Variants in MAPK10 observed in about 807,000 individuals in gnomAD.
The protein encoded by MAPK10 is mitogen-activated protein kinase 10.
A neutral mutation model predicts 59.3 loss-of-function variants in MAPK10; 25 were observed. The ratio of observed to expected loss-of-function variants is 0.42; its 90% CI spans 0.31 to 0.59. The LOEUF is 0.59. MAPK10 is among the 20% of genes least tolerant of loss of function. The probability of loss-of-function intolerance (pLI) is 0.15; values close to 1 mark genes in which losing one functional copy is unlikely to be tolerated. For missense variants in MAPK10, 351 were observed against 568.9 expected (o/e 0.62, Z 3.90); for synonymous variants, 190 against 200.5 (o/e 0.95, Z 0.44).
intron 2 of MAPK10, among the ~76,000 whole-genome samples, chr4:86,280,394 A>G (rs1299213029): frequency 6.6e-6 from 1 of 152,190 alleles, no homozygotes. Flanking sequence ...AATCAAAACC[A>G]CAATAAGATA....
In MAPK10 at chr4:86,359,888, T is replaced by C; in HGVS notation, c.-352A>G. On this transcript the variant is annotated 5_prime_UTR_variant, in exon 1 of 14. Coordinates refer to ENST00000641462, the MANE Select transcript of MAPK10 (RefSeq NM_138982.4). The stretch of plus-strand genomic sequence containing the variant: ...GGACAAAAAAGGAAATTTGTAAAAA[T>C]GAAAAAAGAAAAGAAAAAGGTAAGC... 1 of 984,494 alleles carries C rather than the reference T, an allele frequency of 1.0e-6. No homozygotes were observed. The highest frequency in any genetic ancestry group is 1.1e-4 in the East Asian group (1 of 8,786). The allele number at this position is 984,494 out of a possible 1,614,324, so 61.0% of individuals were successfully genotyped here. A position where few individuals can be genotyped will look rare whatever the true frequency, so the allele number is the denominator to read the frequency against.
chr4:86,188,929 ATAAGGTG>A (rs2078975162), intron 3 of MAPK10, among the ~76,000 whole-genome samples: 1 of 152,174 alleles, frequency 6.6e-6, no homozygotes, highest in South Asian at 2.1e-4. Context: ...TAATCTTTGT[ATAAGGTG>A]TAAGGAAAGG....
At chr4:86,066,287 A>C (rs530195922) in intron 10 of MAPK10, among the ~76,000 whole-genome samples, 52 of 152,334 alleles carry the variant, frequency 3.4e-4, no homozygotes, top group African/African-American at 1.1e-3. Context: ...AGAAATACTT[A>C]TACATTAATT....
intron 4 of MAPK10, 90 bp from the exon 5 acceptor site, chr4:86,107,442 G>A (rs544739425): frequency 1.3e-6 from 2 of 1,501,002 alleles, no homozygotes; most frequent in East Asian, 4.8e-5. Flanking sequence ...TAAAGAAAAT[G>A]CTATTTCGGA....
intron 2 of MAPK10, chr4:86,268,325 C>G (rs2094323784): frequency 6.6e-6 from 1 of 152,234 alleles, no homozygotes; most frequent in Non-Finnish European, 1.5e-5. Flanking sequence ...CATCTTGATT[C>G]CAACCTTTAT....
chr4:86,353,567 A>G (rs753296849), intron 2 of MAPK10, among the ~76,000 whole-genome samples: 2 of 152,178 alleles, frequency 1.3e-5, no homozygotes, highest in Non-Finnish European at 2.9e-5. Flanking sequence ...ATGCTATTAG[A>G]TCTGCTTTCT....
chr4:86,341,247 G>A (rs908014150), intron 2 of MAPK10, among the ~76,000 whole-genome samples: 4 of 152,158 alleles, frequency 2.6e-5, no homozygotes, highest in African/African-American at 9.7e-5. Flanking sequence ...TTAGAAAGAC[G>A]AGCTTTGGTT....
chr4:86,282,283 G>A (rs2094837264), intron 2 of MAPK10, among the ~76,000 whole-genome samples: 2 of 152,090 alleles, frequency 1.3e-5, no homozygotes, highest in African/African-American at 4.8e-5. Flanking sequence ...AATGTGTAAT[G>A]GACAATGTTT....
chr4:86,559,204 T>G (rs1760488959), intron 1 of MAPK10, among the ~76,000 whole-genome samples: 1 of 152,120 alleles, frequency 6.6e-6, no homozygotes, highest in African/African-American at 2.4e-5. Context: ...ATGTTTAGGT[T>G]TAACCAAATC....
intron 2 of MAPK10, among the ~76,000 whole-genome samples, chr4:86,229,919 G>T (rs923564027): frequency 6.6e-6 from 1 of 152,036 alleles, no homozygotes; most frequent in East Asian, 1.9e-4. Context: ...AAATTAGCTA[G>T]GTACATTGGA....
At chr4:86,584,061 G>A (rs1762497303) in intron 1 of MAPK10, among the ~76,000 whole-genome samples, 1 of 152,128 alleles carries the variant, frequency 6.6e-6, no homozygotes, top group African/African-American at 2.4e-5. Context: ...GTGCATGCAT[G>A]GGTGTATGTA....
At chr4:86,025,401 GTTCTAAAC>G (rs1749670369) in intron 13 of MAPK10, 1 of 396,590 alleles carries the variant, frequency 2.5e-6, no homozygotes. Flanking sequence ...ATAAACAGGA[GTTCTAAAC>G]CATAAACCCA....
chr4:86,229,080 C>T (rs77107534), intron 2 of MAPK10, among the ~76,000 whole-genome samples: 12,745 of 152,118 alleles, frequency 0.084, 1,180 homozygotes, highest in African/African-American at 0.23. Context: ...GTTTTCAAGG[C>T]AACTAAAGGT....
intron 1 of MAPK10, among the ~76,000 whole-genome samples, chr4:86,543,120 T>G (rs1231506941): frequency 1.3e-5 from 2 of 152,172 alleles, no homozygotes; most frequent in African/African-American, 2.4e-5. Context: ...GTTAAAGGGA[T>G]GTGGTGCAAT....
intron 4 of MAPK10, among the ~76,000 whole-genome samples, chr4:86,122,957 G>C (rs917136146): frequency 6.6e-6 from 1 of 152,024 alleles, no homozygotes; most frequent in Admixed American, 6.6e-5. Context: ...ATGTGGTTCT[G>C]ATAGGTGCTC....
intron 1 of MAPK10, among the ~76,000 whole-genome samples, chr4:86,495,718 C>T (rs1296679005): frequency 6.6e-6 from 1 of 151,816 alleles, no homozygotes; most frequent in Non-Finnish European, 1.5e-5. Context: ...CTCCCTTTTT[C>T]CCCCTCTTGC....
rs546886941 is a variant in MAPK10, at chr4:86,229,314, T to C, written c.-6-34907A>G. Among the ~76,000 whole-genome samples the C allele has an allele frequency of 2.0e-5, 3 of 152,326 alleles. No individual in the cohort carries two copies. The East Asian group carries it at 5.8e-4, about 29-fold the overall frequency. Reference sequence around the variant, plus strand: ...TTAAAATATTATCAATGTGCTGAAATTTTGTTATAATAAAATAATAAAGTA... The same window carrying C: ...TTAAAATATTATCAATGTGCTGAAACTTTGTTATAATAAAATAATAAAGTA... On this transcript the variant is annotated intron_variant, in intron 2 of 13. Transcript: ENST00000641462.
At chr4:86,331,871 G>T (rs867245921) in intron 2 of MAPK10, among the ~76,000 whole-genome samples, 3 of 151,920 alleles carry the variant, frequency 2.0e-5, no homozygotes, top group South Asian at 4.2e-4. Context: ...TATCTACAAG[G>T]CCTGTTTAGA....
intron 1 of MAPK10, among the ~76,000 whole-genome samples, chr4:86,550,689 C>A (rs1759708329): frequency 6.6e-6 from 1 of 152,154 alleles, no homozygotes; most frequent in East Asian, 1.9e-4. Context: ...GGCAACACAG[C>A]AAGACTCTGT....
Sources: allele counts gnomAD v4.1 joint callset (sites outside exome capture counted in the v4.1 genomes callset), GRCh38; gene constraint gnomAD v4.1.1; transcripts MANE v1.5; gene names NCBI Gene and HGNC (gene_info 2026-07-23, HGNC 2026-07-21).